BASP1: variants seen among roughly 807,000 people sequenced by gnomAD.
The protein encoded by BASP1 is brain acid soluble protein 1.
A neutral mutation model predicts 2.2 loss-of-function variants in BASP1; 1 was observed. The ratio of observed to expected loss-of-function variants is 0.46; its 90% confidence interval spans 0.16 to 2.17. The LOEUF (loss-of-function observed/expected upper bound fraction) is 2.17, where lower values mean the gene tolerates loss of function less well. Ranked by LOEUF, BASP1 falls within the 30% of genes most tolerant of loss-of-function variation. The pLI is 0.27. For synonymous variants in BASP1, 187 were observed against 154.2 expected (o/e 1.21, Z -1.58); for missense variants, 352 against 327.2 (o/e 1.08, Z -0.58).
chr5:17,219,181 G>GT (rs1186312297), intron 1 of BASP1, among the ~76,000 whole-genome samples: 1 of 151,658 alleles, frequency 6.6e-6, no homozygotes, highest in Non-Finnish European at 1.5e-5. Context: ...AATCGGGACT[G>GT]TAATTACCTA....
intron 1 of BASP1, among the ~76,000 whole-genome samples, chr5:17,262,617 T>C (rs1302849219): frequency 6.6e-6 from 1 of 152,246 alleles, no homozygotes; most frequent in East Asian, 1.9e-4. Context: ...ATATTTCTAC[T>C]GTCTCAGACT....
chr5:17,220,677 C>T (rs558882901), intron 1 of BASP1, among the ~76,000 whole-genome samples: 1 of 152,216 alleles, frequency 6.6e-6, no homozygotes, highest in South Asian at 2.1e-4. Flanking sequence ...CCCCACATCA[C>T]CCTAGTTTAA....
chr5:17,225,838 A>T (rs150317869), intron 1 of BASP1, among the ~76,000 whole-genome samples: 1 of 152,228 alleles, frequency 6.6e-6, no homozygotes, highest in Non-Finnish European at 1.5e-5. Flanking sequence ...TTTTTTATTT[A>T]AAATTACCAT....
Position 17,275,775 on chromosome 5 carries a change from C to T in BASP1, c.559C>T (p.Pro187Ser), listed in dbSNP as rs563948276. ...SEAAPSSKET[P>S]AATEAPSSTP... Reference sequence around the variant, plus strand: ...GGCTGCCCCCTCTTCCAAGGAGACCCCCGCAGCCACGGAAGCGCCTAGTTC... The same window carrying T: ...GGCTGCCCCCTCTTCCAAGGAGACCTCCGCAGCCACGGAAGCGCCTAGTTC... The change falls in exon 2 of 2, where the codon CCC becomes TCC. Residue 187 changes from proline (P) to serine (S), a missense_variant. Transcript: ENST00000322611. The surrounding 1 kb of genome is among the most constrained non-coding windows in gnomAD (Gnocchi z 5.3). The T allele has an allele frequency of 1.1e-5, 18 of 1,613,224 alleles. No individual in the cohort carries two copies. The highest frequency in any genetic ancestry group is 4.0e-5 in the African/African-American group (3 of 75,018).
chr5:17,256,401 G>C (rs1427821671), intron 1 of BASP1, among the ~76,000 whole-genome samples: 1 of 152,156 alleles, frequency 6.6e-6, no homozygotes, highest in Non-Finnish European at 1.5e-5. Flanking sequence ...GGGCAGTCAG[G>C]GTCGACCTTT....
intron 1 of BASP1, among the ~76,000 whole-genome samples, chr5:17,255,089 T>A (rs1045246931): frequency 6.6e-6 from 1 of 152,212 alleles, no homozygotes; most frequent in African/African-American, 2.4e-5. Flanking sequence ...TTTTATTTAT[T>A]TATTTATTTG....
intron 1 of BASP1, among the ~76,000 whole-genome samples, chr5:17,227,083 C>A (rs1271149116): frequency 6.6e-6 from 1 of 150,910 alleles, no homozygotes; most frequent in Non-Finnish European, 1.5e-5. Context: ...CACCCGCCAC[C>A]ATGCCCAGCT....
rs1479951997 is a variant in BASP1, at chr5:17,236,341, G to C, written c.-10+18531G>C. Among the ~76,000 whole-genome samples, 1 of 152,108 alleles carries C rather than the reference G, an allele frequency of 6.6e-6. No individual in the cohort carries two copies. The highest frequency in any genetic ancestry group is 1.5e-5 in the Non-Finnish European group (1 of 68,022). On this transcript the variant is annotated intron_variant, in intron 1 of 1. Coordinates refer to ENST00000322611, the MANE Select transcript of BASP1 (RefSeq NM_006317.5). The surrounding 1 kb of genome is among the most constrained non-coding windows in gnomAD (Gnocchi z 4.0). The stretch of plus-strand genomic sequence containing the variant: ...TGTAATGGCGTGATCTCGGCTCACT[G>C]TGGCCTCTGCCTCCCGGGTTCAAGC...
At chr5:17,250,068 A>G (rs1740070967) in intron 1 of BASP1, among the ~76,000 whole-genome samples, 1 of 152,090 alleles carries the variant, frequency 6.6e-6, no homozygotes, top group Non-Finnish European at 1.5e-5. Context: ...TCAGCCTCTA[A>G]GTAGCTGGGG....
chr5:17,240,009 C>T (rs1403209098), intron 1 of BASP1, among the ~76,000 whole-genome samples: 1 of 151,740 alleles, frequency 6.6e-6, no homozygotes, highest in African/African-American at 2.4e-5. Flanking sequence ...GAACCTAATG[C>T]CCAGTGTGAT....
intron 1 of BASP1, among the ~76,000 whole-genome samples, chr5:17,228,605 A>G (rs538194018): frequency 1.3e-5 from 2 of 152,380 alleles, no homozygotes; most frequent in Non-Finnish European, 2.9e-5. Flanking sequence ...TTGAAATTTA[A>G]TGCTGTGACT....
At chr5:17,248,815 T>C (rs955481120) in intron 1 of BASP1, among the ~76,000 whole-genome samples, 1 of 152,186 alleles carries the variant, frequency 6.6e-6, no homozygotes, top group Non-Finnish European at 1.5e-5. Flanking sequence ...TTGTGCTTGT[T>C]GATAATTTAA....
intron 1 of BASP1, among the ~76,000 whole-genome samples, chr5:17,269,366 G>A (rs537428037): frequency 1.1e-4 from 17 of 152,296 alleles, no homozygotes; most frequent in African/African-American, 4.1e-4. Flanking sequence ...GTATTCCACG[G>A]ATGCAAACAC....
In BASP1 at chr5:17,276,220, A is replaced by G. The variant is rs1740659367; in HGVS notation, c.*320A>G. 4 of 222,508 alleles carry G rather than the reference A, an allele frequency of 1.8e-5. No homozygotes were observed. The Admixed American group carries it at 2.4e-4, about 13-fold the overall frequency. 13.8% of individuals were successfully genotyped at this position (222,508 alleles called of 1,614,324 possible). A position where few individuals can be genotyped will look rare whatever the true frequency, so the allele number is the denominator to read the frequency against. ...CAAGATCCGCGTCTGAAAGTGCAGT[A>G]CATCGTTTGTACCTGAAACTGCCGC... On this transcript the variant is annotated 3_prime_UTR_variant, in exon 2 of 2. Transcript: ENST00000322611.
Position 17,227,705 on chromosome 5 carries a change from A to G in BASP1, c.-10+9895A>G, listed in dbSNP as rs149405958. On this transcript the variant is annotated intron_variant, in intron 1 of 1. Transcript: ENST00000322611. Reference sequence around the variant, plus strand: ...AGGCGTGAGCCACCATGCCCGGCCAATAACTCATTTTTCTAAGGAAGAAAG... The same window carrying G: ...AGGCGTGAGCCACCATGCCCGGCCAGTAACTCATTTTTCTAAGGAAGAAAG... Among the ~76,000 whole-genome samples the G allele has an allele frequency of 6.6e-3, 998 of 152,310 alleles. 7 individuals carry two copies. The highest frequency in any genetic ancestry group is 0.025 in the South Asian group (122 of 4,830).
intron 1 of BASP1, among the ~76,000 whole-genome samples, chr5:17,230,720 T>G (rs904880266): frequency 4.6e-5 from 7 of 152,082 alleles, no homozygotes; most frequent in African/African-American, 1.7e-4. Context: ...TGTGCCACCA[T>G]GCCTGGCTAA....
chr5:17,269,404 A>C (rs1000745990), intron 1 of BASP1, among the ~76,000 whole-genome samples: 1 of 152,168 alleles, frequency 6.6e-6, no homozygotes, highest in Non-Finnish European at 1.5e-5. Context: ...AGGTGTAGGC[A>C]AAAAAGGACC....
intron 1 of BASP1, among the ~76,000 whole-genome samples, chr5:17,248,827 A>G (rs758416932): frequency 6.6e-6 from 1 of 152,140 alleles, no homozygotes; most frequent in Non-Finnish European, 1.5e-5. Flanking sequence ...ATAATTTAAA[A>G]AGCACGTTTA....
intron 1 of BASP1, among the ~76,000 whole-genome samples, chr5:17,225,304 C>T (rs1317372830): frequency 1.1e-4 from 17 of 151,828 alleles, no homozygotes. Flanking sequence ...CTATATCCGT[C>T]TCATGATCTC....
Sources: gnomAD v4.1 joint callset for allele counts (sites outside exome capture counted in the v4.1 genomes callset) on GRCh38, gnomAD v4.1.1 for gene constraint, Gnocchi (gnomAD v3.1) non-coding constraint, MANE v1.5 for transcripts, NCBI Gene and HGNC (gene_info 2026-07-23, HGNC 2026-07-21) for gene names.